FAM177A1: variants seen among roughly 807,000 people sequenced by gnomAD.
FAM177A1 encodes the protein family with sequence similarity 177 member A1.
In FAM177A1, 22 loss-of-function variants were observed where a neutral mutation model predicts 26.1. That is an observed-to-expected ratio of 0.84 (90% CI 0.60 to 1.20). The LOEUF is 1.20. Ranked by LOEUF, FAM177A1 falls within the 50% of genes most tolerant of loss-of-function variation. The probability of loss-of-function intolerance (pLI) is 0.00; values close to 1 mark genes in which losing one functional copy is unlikely to be tolerated. For missense variants in FAM177A1, 296 were observed against 291.1 expected (o/e 1.02, Z -0.12); for synonymous variants, 95 against 99.3 (o/e 0.96, Z 0.26).
At chr14:35,054,870 A>G (rs813344) in intron 2 of FAM177A1, 125,109 of 152,010 alleles carry the variant, frequency 0.82, 51,817 homozygotes, top group Non-Finnish European at 0.87. Flanking sequence ...CCAGCTACCC[A>G]GGAGGCTGAG....
chr14:35,062,029 A>G (rs1013679279), intron 2 of FAM177A1, among the ~76,000 whole-genome samples: 12 of 151,940 alleles, frequency 7.9e-5, no homozygotes, highest in African/African-American at 2.7e-4. Context: ...AGAAAACCCA[A>G]CTGGAAGCTG....
At chr14:35,060,994 A>AT (rs1359879954) in intron 2 of FAM177A1, among the ~76,000 whole-genome samples, 1 of 152,144 alleles carries the variant, frequency 6.6e-6, no homozygotes, top group Non-Finnish European at 1.5e-5. Flanking sequence ...GTGTATTGTG[A>AT]TAATTGTTCT....
rs140847831 is a variant in FAM177A1 at position 35,082,564 on chromosome 14, CAT to C, written c.*1341_*1342del. On this transcript the variant is annotated 3_prime_UTR_variant, in exon 5 of 5. Coordinates refer to ENST00000280987, the MANE Select transcript of FAM177A1 (RefSeq NM_173607.5). ...ACACACACAGACACACACACACACA[CAT>C]ATATCTCTAAATGTGTGTATAGAAC... is the stretch of plus-strand genomic sequence containing the variant. The C allele has an allele frequency of 0.16, 23,782 of 151,796 alleles. 2,021 individuals are homozygous for C. The highest frequency in any genetic ancestry group is 0.22 in the Middle Eastern group (64 of 294). The allele number at this position is 151,796 out of a possible 1,614,324, so 9.4% of individuals were successfully genotyped here.
chr14:35,066,871 G>A (rs935556112), intron 2 of FAM177A1, among the ~76,000 whole-genome samples: 1 of 150,502 alleles, frequency 6.6e-6, no homozygotes, highest in Non-Finnish European at 1.5e-5. Context: ...TCAGCTCACC[G>A]CAACCTCTGC....
At chr14:35,077,743 A>T (rs1479796183) in intron 3 of FAM177A1, among the ~76,000 whole-genome samples, 1 of 151,986 alleles carries the variant, frequency 6.6e-6, no homozygotes, top group South Asian at 2.1e-4. Context: ...CGGCCTCCCA[A>T]AGTGCTGGGA....
chr14:35,054,434 A>G (rs1229188848), intron 2 of FAM177A1, among the ~76,000 whole-genome samples: 1 of 152,170 alleles, frequency 6.6e-6, no homozygotes, highest in Non-Finnish European at 1.5e-5. Flanking sequence ...GAGTCCAGGT[A>G]ATCACATATT....
intron 2 of FAM177A1, among the ~76,000 whole-genome samples, chr14:35,066,663 C>A (rs1359813377): frequency 3.9e-5 from 6 of 152,078 alleles, no homozygotes; most frequent in Non-Finnish European, 7.4e-5. Context: ...CCTCAGCCTC[C>A]CAAAGTGCTG....
intron 1 of FAM177A1, among the ~76,000 whole-genome samples, chr14:35,049,495 G>T (rs1459426661): frequency 2.0e-5 from 3 of 152,080 alleles, no homozygotes; most frequent in Non-Finnish European, 4.4e-5. Context: ...ATTAAAACCA[G>T]ATCCTGAGCT....
At chr14:35,054,491 G>A (rs2045028613) in intron 2 of FAM177A1, among the ~76,000 whole-genome samples, 1 of 152,102 alleles carries the variant, frequency 6.6e-6, no homozygotes, top group South Asian at 2.1e-4. Flanking sequence ...TGATATAGCA[G>A]TGGGTGATAT....
intron 2 of FAM177A1, among the ~76,000 whole-genome samples, chr14:35,066,297 G>A (rs919728944): frequency 2.7e-5 from 4 of 150,524 alleles, no homozygotes; most frequent in Admixed American, 6.6e-5. Flanking sequence ...TGGACTCCTC[G>A]GCTCAAATGA....
At chr14:35,055,727 T>G (rs2045052153) in intron 2 of FAM177A1, among the ~76,000 whole-genome samples, 1 of 151,946 alleles carries the variant, frequency 6.6e-6, no homozygotes. Context: ...CCTAAGTCTA[T>G]GTTTAGATGT....
At position 35,053,397 on chromosome 14, in the gene FAM177A1, TGAA is replaced by T. The variant is rs1364537850; in HGVS notation, c.288_290del (p.Glu96del). 1 of 1,614,026 alleles carries T rather than the reference TGAA, an allele frequency of 6.2e-7. No homozygotes were observed. Among genetic ancestry groups the T allele is most frequent in the African/African-American group, 1.3e-5 (1 of 74,930 alleles). ...AAACAATGGAAGAATATAGCACAGA[TGAA>T]GACGAAGTTGATGGCCTGGAGAAGA... On this transcript the variant is annotated inframe_deletion, in exon 2 of 5. Coordinates refer to ENST00000280987, the MANE Select transcript of FAM177A1 (RefSeq NM_173607.5).
intron 2 of FAM177A1, among the ~76,000 whole-genome samples, chr14:35,070,452 C>T (rs2045305055): frequency 6.6e-6 from 1 of 152,110 alleles, no homozygotes; most frequent in South Asian, 2.1e-4. Flanking sequence ...GCCTCAGCTT[C>T]CCAAGTAGCT....
rs1020510891 is a variant in FAM177A1 at position 35,056,177 on chromosome 14, G to A, written c.339+2726G>A. On this transcript the variant is annotated intron_variant, in intron 2 of 4. Coordinates refer to ENST00000280987, the MANE Select transcript of FAM177A1 (RefSeq NM_173607.5). ...AGCCTCCTGAGTAGCTGGGACTACA[G>A]AAACGCACCACCACACCCAGCTAAT... 4.6e-5 allele frequency among the ~76,000 whole-genome samples: 7 copies of A among 151,886 alleles called. No homozygotes were observed. The East Asian group carries it at 1.4e-3, about 29-fold the overall frequency.
chr14:35,048,404 G>C (rs10136692), intron 1 of FAM177A1, among the ~76,000 whole-genome samples: 113,166 of 151,810 alleles, frequency 0.75, 43,263 homozygotes, highest in Non-Finnish European at 0.84. Context: ...TAACAAATAA[G>C]TACTTAACCA....
At chr14:35,071,206 C>T (rs1023217115) in intron 2 of FAM177A1, among the ~76,000 whole-genome samples, 11 of 151,662 alleles carry the variant, frequency 7.3e-5, no homozygotes, top group African/African-American at 2.4e-4. Flanking sequence ...ACCGTGTTAG[C>T]CAGGATGGTC....
intron 2 of FAM177A1, among the ~76,000 whole-genome samples, chr14:35,074,690 A>G (rs1362230920): frequency 1.3e-5 from 2 of 151,942 alleles, no homozygotes; most frequent in African/African-American, 4.8e-5. Context: ...AATCATTAGT[A>G]TATATAAGAA....
At chr14:35,064,128 C>G (rs894254970) in intron 2 of FAM177A1, among the ~76,000 whole-genome samples, 1 of 151,592 alleles carries the variant, frequency 6.6e-6, no homozygotes, top group African/African-American at 2.4e-5. Context: ...TGGCTCACAC[C>G]TGTAATCCCA....
At chr14:35,046,985 C>A in intron 1 of FAM177A1, 1 of 1,052,336 alleles carries the variant, frequency 9.5e-7, no homozygotes, top group Non-Finnish European at 1.1e-6. Flanking sequence ...TTCTCAGTCT[C>A]TTCTGGTGCG....
Sources: gnomAD v4.1 joint callset for allele counts (sites outside exome capture counted in the v4.1 genomes callset) on GRCh38, gnomAD v4.1.1 for gene constraint, MANE v1.5 for transcripts, NCBI Gene and HGNC (gene_info 2026-07-23, HGNC 2026-07-21) for gene names.